The following TJP2 variants were observed in gnomAD, a reference collection of about 807,000 sequenced individuals.
TJP2 encodes the protein tight junction protein 2, also known as Friedreich ataxia region gene X104 (tight junction protein ZO-2).
Under a neutral mutation model 133.1 loss-of-function variants are expected in TJP2, and 91 were observed. That is an observed-to-expected ratio of 0.68 (90% confidence interval 0.58 to 0.81). The LOEUF is 0.81. TJP2 is among the 40% of genes least tolerant of loss of function. The pLI is 0.00. For missense variants in TJP2, 1,541 were observed against 1,565.6 expected, an observed-to-expected ratio of 0.98 and a Z score of 0.26; for synonymous variants, 592 against 583.4, an observed-to-expected ratio of 1.01 and a Z score of -0.21.
intron 4 of TJP2, among the ~76,000 whole-genome samples, chr9:69,219,341 C>G (rs937948955): frequency 3.9e-5 from 6 of 152,100 alleles, no homozygotes; most frequent in Admixed American, 2.6e-4. Context: ...GTTGAAAGAT[C>G]AGTGTAATAA....
In TJP2 at chr9:69,246,793, A is replaced by G. The variant is rs1830959398; in HGVS notation, c.2667+3A>G. On this transcript the variant is annotated splice_donor_region_variant and intron_variant, in intron 18 of 22. Coordinates refer to ENST00000377245, the MANE Select transcript of TJP2 (RefSeq NM_004817.4). ...CGGTTTGGGTCTCTGAAGGAAAGGT[A>G]TGTGGCATAGATATGCTGCTATGAG... 6.2e-7 allele frequency: 1 copy of G among 1,613,424 alleles called. No homozygotes were observed. Among genetic ancestry groups the G allele is most frequent in the Non-Finnish European group, 8.5e-7 (1 of 1,179,508 alleles).
In TJP2 at chr9:69,254,669, G is replaced by C. The variant is rs530628458; in HGVS notation, c.*295G>C. The stretch of plus-strand genomic sequence containing the variant: ...GGACCGAAATCTGTATTCTGTTTGC[G>C]TACTTGTAATATGTATATTAAGAAG... On this transcript the variant is annotated 3_prime_UTR_variant, in exon 23 of 23. Coordinates refer to ENST00000377245, the MANE Select transcript of TJP2 (RefSeq NM_004817.4). 7 of 592,276 alleles carry C rather than the reference G, an allele frequency of 1.2e-5. No individual in the cohort carries two copies. Among genetic ancestry groups the C allele is most frequent in the Non-Finnish European group, 2.1e-5 (7 of 331,990 alleles). 36.7% of individuals were successfully genotyped at this position (592,276 alleles called of 1,614,324 possible). A position where few individuals can be genotyped will look rare whatever the true frequency, so the allele number is the denominator to read the frequency against.
At chr9:69,225,444 C>G in intron 6 of TJP2, 37 bp downstream of exon 6, 1 of 1,394,438 alleles carries the variant, frequency 7.2e-7, no homozygotes, top group Admixed American at 1.7e-5. Flanking sequence ...AGTGTGCATA[C>G]TGCCGTTCAT....
At chr9:69,248,285 T>C (rs1258182449) in intron 19 of TJP2, 61 bp downstream of exon 19, 9 of 1,530,614 alleles carry the variant, frequency 5.9e-6, no homozygotes, top group Middle Eastern at 3.4e-4. Flanking sequence ...TGCACTCTCG[T>C]GGACAGCTGT....
At chr9:69,200,395 CT>C (rs1023556353) in intron 1 of TJP2, among the ~76,000 whole-genome samples, 3 of 151,914 alleles carry the variant, frequency 2.0e-5, no homozygotes, top group Non-Finnish European at 4.4e-5. Context: ...TTTTTTACAC[CT>C]TTTTTTCTAG....
intron 5 of TJP2, 53 bp from the exon 6 acceptor site, chr9:69,225,251 G>A: frequency 2.4e-6 from 3 of 1,255,508 alleles, no homozygotes; most frequent in Non-Finnish European, 3.5e-6. Flanking sequence ...ACCAGACTAA[G>A]TTTTTTGAAC....
intron 17 of TJP2, among the ~76,000 whole-genome samples, chr9:69,240,897 T>C (rs542624539): frequency 6.7e-6 from 1 of 150,012 alleles, no homozygotes; most frequent in Non-Finnish European, 1.5e-5. Flanking sequence ...GATAATAATA[T>C]TGTGATTTTT....
At chr9:69,238,360 CT>C (rs933022446) in intron 15 of TJP2, among the ~76,000 whole-genome samples, 2 of 151,998 alleles carry the variant, frequency 1.3e-5, no homozygotes, top group East Asian at 1.9e-4. Context: ...TGCTTCATAG[CT>C]TTTTTTTAAA....
chr9:69,252,088 A>G (rs926806315), intron 21 of TJP2, among the ~76,000 whole-genome samples: 3 of 152,192 alleles, frequency 2.0e-5, no homozygotes, highest in Admixed American at 2.0e-4. Context: ...TCCACCTCTC[A>G]GGCTCAGGAG....
In TJP2 at chr9:69,174,391, C is replaced by G; in HGVS notation, c.19C>G (p.Arg7Gly). Residue 7 changes from arginine (R) to glycine (G), a missense_variant, in exon 1 of 23, where the codon CGC (arginine) becomes GGC (glycine). Physicochemically the swap from Arg to Gly is moderately radical, Grantham distance 125. Coordinates refer to ENST00000377245, the MANE Select transcript of TJP2 (RefSeq NM_004817.4). Reference sequence around the variant, plus strand: ...GTCCGAAATGCCGGTGCGAGGAGACCGCGGGTTTCCACCCCGGCGGGAGCT... The same window carrying G: ...GTCCGAAATGCCGGTGCGAGGAGACGGCGGGTTTCCACCCCGGCGGGAGCT... MPVRGD[R>G]GFPPRRELSG... is the part of the protein sequence containing the mutation. 1 of 1,551,928 alleles carries G rather than the reference C, an allele frequency of 6.4e-7. No individual in the cohort carries two copies. Among genetic ancestry groups the G allele is most frequent in the African/African-American group, 1.4e-5 (1 of 73,282 alleles).
chr9:69,221,214 G>T lies in TJP2; in HGVS notation c.670G>T (p.Gly224Cys). ...DRSRGRSLER[G>C]LDHDFGPSRD... ...CAGCCGTGGCCGGAGCCTGGAGCGG[G>T]GCCTGGACCACGACTTTGGGCCATC... The change falls in exon 5 of 23, where the codon GGC becomes TGC. Residue 224 changes from glycine to cysteine, a missense_variant. Physicochemically the swap from Gly to Cys is radical, Grantham distance 159. Coordinates refer to ENST00000377245, the MANE Select transcript of TJP2 (RefSeq NM_004817.4). The T allele has an allele frequency of 6.2e-7, 1 of 1,604,590 alleles. No homozygotes were observed.
At chr9:69,239,198 A>G (rs931314965) in intron 16 of TJP2, among the ~76,000 whole-genome samples, 1 of 152,116 alleles carries the variant, frequency 6.6e-6, no homozygotes, top group Non-Finnish European at 1.5e-5. Flanking sequence ...AAAAAAATAT[A>G]TATATAATGT....
intron 1 of TJP2, among the ~76,000 whole-genome samples, chr9:69,179,303 G>C (rs140798498): frequency 2.0e-5 from 3 of 152,118 alleles, no homozygotes; most frequent in Non-Finnish European, 4.4e-5. Flanking sequence ...CCTGAAAAAC[G>C]TAATGTAGCT....
At chr9:69,195,504 G>C (rs1262282159) in intron 1 of TJP2, among the ~76,000 whole-genome samples, 1 of 152,016 alleles carries the variant, frequency 6.6e-6, no homozygotes, top group Non-Finnish European at 1.5e-5. Flanking sequence ...GTTAGCTGTG[G>C]GGCCTTGCCA....
At chr9:69,160,446 A>G (rs1824008344) in intron 2 of TJP2, among the ~76,000 whole-genome samples, 1 of 152,206 alleles carries the variant, frequency 6.6e-6, no homozygotes, top group African/African-American at 2.4e-5. Flanking sequence ...TTTGTTCATT[A>G]TGACTCCACA....
chr9:69,246,039 C>A (rs1830902513), intron 17 of TJP2, among the ~76,000 whole-genome samples: 1 of 152,012 alleles, frequency 6.6e-6, no homozygotes, highest in African/African-American at 2.4e-5. Flanking sequence ...TTTTTCTTGT[C>A]ATTATTCCCT....
At chr9:69,167,764 A>G (rs1399617988) in intron 2 of TJP2, among the ~76,000 whole-genome samples, 1 of 151,558 alleles carries the variant, frequency 6.6e-6, no homozygotes, top group African/African-American at 2.4e-5. Context: ...GCTACTTGGG[A>G]GGCTAAGGCA....
At chr9:69,154,829 G>T (rs1172148901) in intron 2 of TJP2, among the ~76,000 whole-genome samples, 3 of 151,878 alleles carry the variant, frequency 2.0e-5, no homozygotes, top group Non-Finnish European at 4.4e-5. Flanking sequence ...TAATAGTCTG[G>T]TGAAGAGCTT....
chr9:69,250,271 T>A (rs1831235091), intron 20 of TJP2, among the ~76,000 whole-genome samples: 1 of 152,098 alleles, frequency 6.6e-6, no homozygotes, highest in Non-Finnish European at 1.5e-5. Flanking sequence ...ATTCAGCTAA[T>A]TTTTGTATTT....
Sources: gnomAD v4.1 joint callset for allele counts (sites outside exome capture counted in the v4.1 genomes callset) on GRCh38, gnomAD v4.1.1 for gene constraint, MANE v1.5 for transcripts, NCBI Gene and HGNC (gene_info 2026-07-23, HGNC 2026-07-21) for gene names.